Variants in TMEM175 observed in about 807,000 individuals in gnomAD.
TMEM175 encodes the protein endosomal/lysosomal proton channel TMEM175.
A neutral mutation model predicts 36.5 loss-of-function variants in TMEM175; 36 were observed. The ratio of observed to expected loss-of-function variants is 0.99; its 90% confidence interval spans 0.76 to 1.30. TMEM175 has a LOEUF of 1.30. Ranked by LOEUF, TMEM175 falls within the 50% of genes most tolerant of loss-of-function variation. TMEM175 has a pLI of 0.00. For missense variants in TMEM175, 705 were observed against 692.8 expected (o/e 1.02, Z -0.20); for synonymous variants, 339 against 313.4 (o/e 1.08, Z -0.86).
chr4:953,937 T>C (rs1729286884), intron 8 of TMEM175, among the ~76,000 whole-genome samples: 1 of 152,126 alleles, frequency 6.6e-6, no homozygotes, highest in Non-Finnish European at 1.5e-5. Flanking sequence ...CCTCCCGCCT[T>C]AGCCTCCCAA....
chr4:943,610 C>T (rs1727781468), intron 1 of TMEM175, among the ~76,000 whole-genome samples: 1 of 152,212 alleles, frequency 6.6e-6, no homozygotes, highest in South Asian at 2.1e-4. Flanking sequence ...AAGCGCAGGT[C>T]TCATGCCTGT....
intron 3 of TMEM175, chr4:948,659 T>C: frequency 8.2e-7 from 1 of 1,221,032 alleles, no homozygotes; most frequent in Non-Finnish European, 1.0e-6. Context: ...ACCTTGACTG[T>C]TTCTGAGCTA....
chr4:954,049 C>T (rs574472402), intron 8 of TMEM175, among the ~76,000 whole-genome samples: 3 of 151,558 alleles, frequency 2.0e-5, no homozygotes, highest in East Asian at 1.9e-4. Flanking sequence ...AGTGCACTGG[C>T]GCAATCTCGG....
intron 1 of TMEM175, among the ~76,000 whole-genome samples, chr4:942,057 CT>C (rs1182520468): frequency 4.0e-5 from 5 of 126,314 alleles, no homozygotes; most frequent in Admixed American, 7.7e-5. Context: ...CGAATTCATT[CT>C]TTTTTTTTCT....
At chr4:947,563 G>C in intron 1 of TMEM175, 146 bp from the exon 2 acceptor site, 1 of 647,160 alleles carries the variant, frequency 1.5e-6, no homozygotes, top group South Asian at 2.0e-5. Context: ...ACCTGGGAGA[G>C]GACAGAGCAG....
chr4:942,636 C>CT (rs879382397), intron 1 of TMEM175, among the ~76,000 whole-genome samples: 1,652 of 137,620 alleles, frequency 0.012, 14 homozygotes, highest in African/African-American at 0.023. Flanking sequence ...CTTGAATTTT[C>CT]TTTTTTTTTT....
chr4:948,710 C>T (rs1728498844), intron 3 of TMEM175: 8 of 1,175,464 alleles, frequency 6.8e-6, no homozygotes, highest in South Asian at 1.5e-5. Context: ...GACTGGAGGG[C>T]GTCTGGGGCC....
chr4:944,423 T>C (rs1727881492), intron 1 of TMEM175, among the ~76,000 whole-genome samples: 1 of 152,194 alleles, frequency 6.6e-6, no homozygotes, highest in African/African-American at 2.4e-5. Flanking sequence ...TGCTGGATTG[T>C]GGCTAGCTGT....
In TMEM175 at chr4:932,512, GAACA is replaced by G. The variant is rs150329635; in HGVS notation, c.-59_-56del. The G allele has an allele frequency of 2.8e-4, 127 of 461,192 alleles. 1 individual carries two copies. The East Asian group carries it at 4.2e-3, about 15-fold the overall frequency. The allele number at this position is 461,192 out of a possible 1,614,324, so 28.6% of individuals were successfully genotyped here. ...GGGCTGACTCAAGCGGAGGCGCGCG[GAACA>G]GTCGCCGAGGCGATTCCCGCCCAGG... is the stretch of plus-strand genomic sequence containing the variant. On this transcript the variant is annotated 5_prime_UTR_variant, in exon 1 of 11. Coordinates refer to ENST00000264771, the MANE Select transcript of TMEM175 (RefSeq NM_032326.4). This position sits in a 1 kb window ranked among gnomAD's most constrained non-coding sequence, Gnocchi z 4.0.
intron 8 of TMEM175, among the ~76,000 whole-genome samples, chr4:954,946 C>T (rs1335897438): frequency 6.6e-6 from 1 of 152,022 alleles, no homozygotes; most frequent in African/African-American, 2.4e-5. Context: ...TTGGGTCGTC[C>T]TTTTATTTTT....
intron 5 of TMEM175, 111 bp from the exon 6 acceptor site, chr4:951,571 C>T (rs1191966792): frequency 9.8e-6 from 14 of 1,423,348 alleles, no homozygotes; most frequent in African/African-American, 2.8e-5. Flanking sequence ...CTCGCTGGCC[C>T]ACCCTTCTTG....
intron 1 of TMEM175, among the ~76,000 whole-genome samples, chr4:940,308 C>T (rs986730548): frequency 2.0e-4 from 31 of 152,034 alleles, no homozygotes; most frequent in Admixed American, 7.2e-4. Flanking sequence ...ATTAGCTGGG[C>T]GTGGTGGCAT....
chr4:956,852 T>C (rs1729721809), intron 10 of TMEM175: 3 of 209,524 alleles, frequency 1.4e-5, no homozygotes, highest in South Asian at 6.6e-5. Flanking sequence ...ACTATGGTTT[T>C]ATATCCTGTA....
In TMEM175 at chr4:939,655, G is replaced by A. The variant is rs112265112; in HGVS notation, c.-32+7115G>A. 5.3e-5 allele frequency among the ~76,000 whole-genome samples: 8 copies of A among 152,306 alleles called. No individual in the cohort carries two copies. In the East Asian group the frequency reaches 1.3e-3, roughly 26 times the overall value. On this transcript the variant is annotated intron_variant, in intron 1 of 10. Coordinates refer to ENST00000264771, the MANE Select transcript of TMEM175 (RefSeq NM_032326.4). Reference sequence around the variant, plus strand: ...TGCTTAAACCCAGGAGGTGGAGGTTGCAGTAAGCTGAGATCATGCCACTGC... The same window carrying A: ...TGCTTAAACCCAGGAGGTGGAGGTTACAGTAAGCTGAGATCATGCCACTGC...
chr4:942,622 G>T (rs532245887), intron 1 of TMEM175, among the ~76,000 whole-genome samples: 76 of 149,764 alleles, frequency 5.1e-4, no homozygotes, highest in Non-Finnish European at 8.9e-4. Flanking sequence ...GGCTGTTAAG[G>T]TTCCTTGAAT....
rs555155188 is a variant in TMEM175 at position 958,196 on chromosome 4, G to A, written c.1215G>A (p.Leu405=). 2 of 1,602,834 alleles carry A rather than the reference G, an allele frequency of 1.2e-6. No homozygotes were observed. The highest frequency in any genetic ancestry group is 2.2e-5 in the East Asian group (1 of 44,752). Residue 405 remains leucine (L), a synonymous_variant, in exon 11 of 11, where the codon CTG becomes CTA. Transcript: ENST00000264771. ...CGCTGCTGCACCAGGCGGAGACGCT[G>A]CAGCCCTCGGTGTGGTTTGGCGGCC... ...TTALLHQAET[L]QPSVWFGGRE... is the part of the protein sequence containing the mutation.
intron 1 of TMEM175, among the ~76,000 whole-genome samples, chr4:947,431 C>T (rs1344485543): frequency 6.6e-6 from 1 of 152,196 alleles, no homozygotes; most frequent in Non-Finnish European, 1.5e-5. Context: ...CTTTCCTTGT[C>T]TCTCCCGTTT....
At position 952,464 on chromosome 4, in the gene TMEM175, G is replaced by A. The variant is rs1395474339; in HGVS notation, c.462+14G>A. On this transcript the variant is annotated intron_variant, in intron 7 of 10. Transcript: ENST00000264771. ...GGGGTCGTGCAGGTAGGGGGCCTGG[G>A]GGGCCTGCACTGTGTGTGTGTGTGT... 2 of 1,577,430 alleles carry A rather than the reference G, an allele frequency of 1.3e-6. No homozygotes were observed. Among genetic ancestry groups the A allele is most frequent in the Non-Finnish European group, 1.7e-6 (2 of 1,162,926 alleles).
chr4:953,976 G>A (rs900289684), intron 8 of TMEM175, among the ~76,000 whole-genome samples: 4 of 152,102 alleles, frequency 2.6e-5, no homozygotes, highest in Non-Finnish European at 4.4e-5. Context: ...GAGCCACCAC[G>A]CCAGCCTTTA....
Sources: gnomAD v4.1 joint callset for allele counts (sites outside exome capture counted in the v4.1 genomes callset) on GRCh38, gnomAD v4.1.1 for gene constraint, Gnocchi (gnomAD v3.1) non-coding constraint, MANE v1.5 for transcripts, NCBI Gene and HGNC (gene_info 2026-07-23, HGNC 2026-07-21) for gene names.